Variants in ADGRE2 observed in about 807,000 individuals in gnomAD.
ADGRE2 encodes CD97 antigen.
A neutral mutation model predicts 100.8 loss-of-function variants in ADGRE2; 83 were observed. The ratio of observed to expected loss-of-function variants is 0.82; its 90% CI spans 0.69 to 0.99. The LOEUF is 0.99. ADGRE2 is among the 50% of genes least tolerant of loss of function. The pLI, the probability that ADGRE2 is intolerant of heterozygous loss-of-function variation, is 0.00. For synonymous variants in ADGRE2, 355 were observed against 413.0 expected (o/e 0.86, Z 1.70); for missense variants, 814 against 1,035.7 (o/e 0.79, Z 2.94).
At chr19:14,741,750 G>A in intron 20 of ADGRE2, 1 of 279,396 alleles carries the variant, frequency 3.6e-6, no homozygotes. Context: ...CTCCCAAAGT[G>A]CTGGGATTAC....
At chr19:14,772,307 G>C in intron 5 of ADGRE2, 35 bp downstream of exon 5, 1 of 1,613,580 alleles carries the variant, frequency 6.2e-7, no homozygotes, top group Non-Finnish European at 8.5e-7. Flanking sequence ...AAACCTCATG[G>C]ACAGTGGTGA....
At chr19:14,728,330 G>A (rs577260659), downstream of ADGRE2, among the ~76,000 whole-genome samples, 38 of 152,248 alleles carry the variant, frequency 2.5e-4, no homozygotes, top group Non-Finnish European at 4.6e-4. Flanking sequence ...CAGAAACCTC[G>A]CTGCTTAGTG....
intron 11 of ADGRE2, among the ~76,000 whole-genome samples, chr19:14,760,296 A>G (rs577349304): frequency 1.3e-5 from 2 of 152,348 alleles, no homozygotes; most frequent in Non-Finnish European, 2.9e-5. Flanking sequence ...TAGGCAAGCA[A>G]CAAAGTATCA....
intron 15 of ADGRE2, among the ~76,000 whole-genome samples, chr19:14,751,940 T>A (rs367862881): frequency 3.2e-3 from 155 of 48,984 alleles, no homozygotes; most frequent in Middle Eastern, 0.025. Flanking sequence ...TATTTTTTTT[T>A]TTTTTTTTTT....
intron 5 of ADGRE2, among the ~76,000 whole-genome samples, chr19:14,767,414 A>G (rs1379550211): frequency 2.0e-5 from 3 of 151,586 alleles, no homozygotes; most frequent in Non-Finnish European, 4.4e-5. Context: ...AATTTTTTGT[A>G]TTTTTAGTAT....
Position 14,776,947 on chromosome 19 carries a change from C to CA in ADGRE2, c.-171-21dup. Reference sequence around the variant, plus strand: ...GTGCAGCTGGAAGCCAGCAGGAAAGCACAATAAAAACACAGAACCAGGGGC... The same window carrying CA: ...GTGCAGCTGGAAGCCAGCAGGAAAGCAACAATAAAAACACAGAACCAGGGGC... On this transcript the variant is annotated intron_variant, in intron 1 of 20. Transcript: ENST00000315576. 1 of 1,407,568 alleles carries CA rather than the reference C, an allele frequency of 7.1e-7. No homozygotes were observed. The highest frequency in any genetic ancestry group is 1.5e-5 in the African/African-American group (1 of 65,834). 87.2% of individuals were successfully genotyped at this position (1,407,568 alleles called of 1,614,324 possible). A position where few individuals can be genotyped will look rare whatever the true frequency, so the allele number is the denominator to read the frequency against.
At chr19:14,747,355 C>G (rs374979451) in intron 16 of ADGRE2, among the ~76,000 whole-genome samples, 1 of 151,936 alleles carries the variant, frequency 6.6e-6, no homozygotes, top group Admixed American at 6.6e-5. Flanking sequence ...AAAAAAATAG[C>G]CGGGTGTGGT....
intron 18 of ADGRE2, among the ~76,000 whole-genome samples, 186 bp from the exon 19 acceptor site, chr19:14,743,970 T>C (rs544179374): frequency 6.6e-6 from 1 of 152,320 alleles, no homozygotes; most frequent in East Asian, 1.9e-4. Context: ...TTGGCCACGG[T>C]GGCTCATGCC....
intron 11 of ADGRE2, among the ~76,000 whole-genome samples, chr19:14,760,731 G>A (rs2043686729): frequency 6.6e-6 from 1 of 152,120 alleles, no homozygotes; most frequent in Non-Finnish European, 1.5e-5. Flanking sequence ...AGGCTATGGT[G>A]GGAAGTGGGG....
At chr19:14,728,834 C>T (rs1293948908), downstream of ADGRE2, among the ~76,000 whole-genome samples, 1 of 152,192 alleles carries the variant, frequency 6.6e-6, no homozygotes, top group African/African-American at 2.4e-5. Context: ...AATCAAGATC[C>T]AAGAGCACAG....
chr19:14,738,514 A>G (rs1209533862), intron 20 of ADGRE2, among the ~76,000 whole-genome samples: 2 of 152,020 alleles, frequency 1.3e-5, no homozygotes, highest in Non-Finnish European at 2.9e-5. Flanking sequence ...GGTAGCTGGG[A>G]CTACAGGCAT....
At chr19:14,775,297 G>A (rs760409233) in intron 2 of ADGRE2, among the ~76,000 whole-genome samples, 19 of 151,874 alleles carry the variant, frequency 1.3e-4, no homozygotes, top group Admixed American at 5.9e-4. Context: ...GAGCCATCAC[G>A]CCTGGCCAAA....
At chr19:14,758,135 A>C (rs376442945) in intron 11 of ADGRE2, among the ~76,000 whole-genome samples, 13 of 152,338 alleles carry the variant, frequency 8.5e-5, no homozygotes, top group African/African-American at 2.9e-4. Context: ...TATGACACCA[A>C]TTGCACATGC....
chr19:14,764,021 C>T (rs1386144188), intron 11 of ADGRE2, among the ~76,000 whole-genome samples: 1 of 148,562 alleles, frequency 6.7e-6, no homozygotes, highest in Admixed American at 6.7e-5. Flanking sequence ...CTCCTCTTCA[C>T]CTCCTCCTCC....
chr19:14,752,423 T>C lies in ADGRE2; in HGVS notation c.1694A>G (p.Gln565Arg), dbSNP rs765585011. 18 of 1,601,912 alleles carry C rather than the reference T, an allele frequency of 1.1e-5. No homozygotes were observed. Among genetic ancestry groups the C allele is most frequent in the South Asian group, 1.0e-4 (9 of 89,698 alleles). Residue 565 changes from glutamine (Q) to arginine (R), a missense_variant, in exon 15 of 21, where the codon CAG becomes CGG. Gln to Arg is a conservative substitution (Grantham distance 43). Transcript: ENST00000315576. ...CAGATGCAGTGAGGTGCTGGTGTTCTGGATGGCTTTACACAGGAGAAAAGT... is the reference window on the plus strand; with the variant it reads ...CAGATGCAGTGAGGTGCTGGTGTTCCGGATGGCTTTACACAGGAGAAAAGT... The part of the protein sequence containing the change: ...ALTFLLCKAI[Q>R]NTSTSLHLQL...
intron 7 of ADGRE2, 70 bp from the exon 8 acceptor site, chr19:14,765,874 C>T: frequency 1.2e-6 from 2 of 1,611,916 alleles, no homozygotes; most frequent in Admixed American, 1.7e-5. Flanking sequence ...GTCTGTGCCC[C>T]CAGCTCGTTC....
At chr19:14,767,248 T>A in intron 5 of ADGRE2, 139 bp from the exon 6 acceptor site, 2 of 1,465,818 alleles carry the variant, frequency 1.4e-6, no homozygotes, top group Middle Eastern at 2.5e-4. Context: ...CTTTCTTTTT[T>A]TTTTTTTTGA....
chr19:14,759,503 A>ATATTT (rs60789454), intron 11 of ADGRE2, among the ~76,000 whole-genome samples: 34 of 133,370 alleles, frequency 2.5e-4, no homozygotes, highest in Middle Eastern at 3.7e-3. Flanking sequence ...ATATATATAT[A>ATATTT]TTTTTTTTTT....
chr19:14,731,423 G>A (rs1480873959), downstream of ADGRE2: 2 of 562,622 alleles, frequency 3.6e-6, no homozygotes, highest in Non-Finnish European at 6.3e-6. Context: ...TAGGTTCCCC[G>A]CAAGGAGACT....
Sources: gnomAD v4.1 joint callset for allele counts (sites outside exome capture counted in the v4.1 genomes callset) on GRCh38, gnomAD v4.1.1 for gene constraint, MANE v1.5 for transcripts, NCBI Gene and HGNC (gene_info 2026-07-23, HGNC 2026-07-21) for gene names.